The following TLK1 variants were observed in gnomAD, a reference collection of about 807,000 sequenced individuals.
TLK1 encodes the protein tousled like kinase 1, also known as serine/threonine-protein kinase tousled-like 1.
In TLK1, 24 loss-of-function variants were observed where a neutral mutation model predicts 105.3. The observed-to-expected ratio is 0.23, with a 90% CI of 0.17 to 0.32. The LOEUF (loss-of-function observed/expected upper bound fraction) is 0.32, where lower values mean the gene tolerates loss of function less well. TLK1 is among the 10% of genes least tolerant of loss of function. The pLI is 1.00. For synonymous variants in TLK1, 321 were observed against 310.4 expected (o/e 1.03, Z -0.36); for missense variants, 558 against 910.5 (o/e 0.61, Z 4.98).
rs757015214 is a variant in TLK1 at position 170,992,001 on chromosome 2, G to A, written c.*1779C>T. 2.6e-5 allele frequency: 4 copies of A among 152,036 alleles called. No homozygotes were observed. Among genetic ancestry groups the A allele is most frequent in the Non-Finnish European group, 5.9e-5 (4 of 67,986 alleles). The allele number at this position is 152,036 out of a possible 1,614,324, so 9.4% of individuals were successfully genotyped here. ...TCTAAGTGTTACTTACCCAGGAGTT[G>A]CCTTGATAATGGTTATTAGGTTTAA... On this transcript the variant is annotated 3_prime_UTR_variant, in exon 21 of 21. Coordinates refer to ENST00000431350, the MANE Select transcript of TLK1 (RefSeq NM_012290.5).
At chr2:171,082,284 G>C (rs1212294421) in intron 3 of TLK1, among the ~76,000 whole-genome samples, 1 of 151,952 alleles carries the variant, frequency 6.6e-6, no homozygotes, top group Non-Finnish European at 1.5e-5. Flanking sequence ...GTAAAAGGGG[G>C]AGGGATTAAG....
intron 3 of TLK1, among the ~76,000 whole-genome samples, chr2:171,065,007 G>GT (rs1396645967): frequency 6.7e-6 from 1 of 149,418 alleles, no homozygotes; most frequent in Non-Finnish European, 1.5e-5. Context: ...ATCTAATCAT[G>GT]TAGCCTGCTG....
At chr2:171,194,634 G>A (rs1693225798) in intron 1 of TLK1, among the ~76,000 whole-genome samples, 1 of 151,910 alleles carries the variant, frequency 6.6e-6, no homozygotes, top group Admixed American at 6.6e-5. Context: ...TGGCTAACAC[G>A]GTGAAACTCC....
At chr2:171,193,700 ATTTTTTTTTTTTTTTTTTT>A (rs35175399) in intron 1 of TLK1, among the ~76,000 whole-genome samples, 1 of 64,634 alleles carries the variant, frequency 1.5e-5, no homozygotes, top group Non-Finnish European at 2.8e-5. Flanking sequence ...AGCGCCTGGC[ATTTTTTTTTTTTTTTTTTT>A]TTTTTTTTTT....
intron 2 of TLK1, among the ~76,000 whole-genome samples, chr2:171,094,626 G>A (rs1471458042): frequency 6.6e-6 from 1 of 151,972 alleles, no homozygotes; most frequent in Non-Finnish European, 1.5e-5. Context: ...CTTTTTTTCC[G>A]AGACAGAGTT....
At chr2:171,093,821 T>A (rs1251022693) in intron 2 of TLK1, among the ~76,000 whole-genome samples, 1 of 152,152 alleles carries the variant, frequency 6.6e-6, no homozygotes, top group Non-Finnish European at 1.5e-5. Flanking sequence ...TGACAGAGAT[T>A]TAAGTTGATC....
intron 2 of TLK1, among the ~76,000 whole-genome samples, chr2:171,094,499 G>A (rs921152349): frequency 6.6e-6 from 1 of 152,136 alleles, no homozygotes; most frequent in African/African-American, 2.4e-5. Context: ...GAGATACTAC[G>A]AGAAAGCAAA....
intron 2 of TLK1, among the ~76,000 whole-genome samples, chr2:171,085,418 T>C (rs1688928186): frequency 6.6e-6 from 1 of 151,760 alleles, no homozygotes; most frequent in Admixed American, 6.6e-5. Context: ...AAAATGTCTC[T>C]GACATTTTCA....
At chr2:171,190,466 C>T (rs1693124776) in intron 1 of TLK1, among the ~76,000 whole-genome samples, 1 of 152,186 alleles carries the variant, frequency 6.6e-6, no homozygotes, top group Non-Finnish European at 1.5e-5. Flanking sequence ...ATCTGAAATG[C>T]TCTCAAATCA....
intron 2 of TLK1, among the ~76,000 whole-genome samples, chr2:171,111,366 G>A (rs1319838339): frequency 6.6e-6 from 1 of 152,072 alleles, no homozygotes; most frequent in Non-Finnish European, 1.5e-5. Flanking sequence ...TGAGTCAAGA[G>A]TTTGAGACCA....
At chr2:171,161,761 C>G (rs1219549353), upstream of TLK1, among the ~76,000 whole-genome samples, 1 of 152,138 alleles carries the variant, frequency 6.6e-6, no homozygotes, top group African/African-American at 2.4e-5. Context: ...ACAAAAATCC[C>G]AAAATAAATA....
chr2:171,122,856 T>A (rs1246863160), intron 1 of TLK1, among the ~76,000 whole-genome samples: 1 of 151,858 alleles, frequency 6.6e-6, no homozygotes, highest in African/African-American at 2.4e-5. Flanking sequence ...CTGGCCAACA[T>A]GGTGAAACCC....
intron 2 of TLK1, among the ~76,000 whole-genome samples, chr2:171,115,170 C>CTT (rs373796060): frequency 7.4e-6 from 1 of 135,770 alleles, no homozygotes; most frequent in African/African-American, 3.0e-5. Context: ...TTAAGAATTT[C>CTT]TTTCTTTTTT....
At chr2:171,056,984 A>C (rs1687533396) in intron 5 of TLK1, among the ~76,000 whole-genome samples, 1 of 152,044 alleles carries the variant, frequency 6.6e-6, no homozygotes, top group Admixed American at 6.6e-5. Flanking sequence ...AACATAATCA[A>C]CTATTTTAAA....
chr2:170,997,694 TG>T lies in TLK1; in HGVS notation c.2016+17del. The T allele has an allele frequency of 6.6e-7, 1 of 1,520,300 alleles. No homozygotes were observed. The highest frequency in any genetic ancestry group is 9.0e-7 in the Non-Finnish European group (1 of 1,109,262). The allele number at this position is 1,520,300 out of a possible 1,614,324, so 94.2% of individuals were successfully genotyped here. A position where few individuals can be genotyped will look rare whatever the true frequency, so the allele number is the denominator to read the frequency against. On this transcript the variant is annotated intron_variant, in intron 19 of 20. Coordinates refer to ENST00000431350, the MANE Select transcript of TLK1 (RefSeq NM_012290.5). Reference sequence around the variant, plus strand: ...AATTTATCTCTGTAGAGCTGAAGGCTGGTAGAATTCAATTTACCTTTCTACC... The same window carrying T: ...AATTTATCTCTGTAGAGCTGAAGGCTGTAGAATTCAATTTACCTTTCTACC...
At chr2:171,115,257 C>T (rs533471014) in intron 2 of TLK1, among the ~76,000 whole-genome samples, 6 of 148,774 alleles carry the variant, frequency 4.0e-5, no homozygotes, top group African/African-American at 1.2e-4. Context: ...CCGCAACCTC[C>T]GTCTCCCAGG....
chr2:171,011,904 AAAAT>A (rs1684933711), intron 13 of TLK1, among the ~76,000 whole-genome samples: 1 of 152,144 alleles, frequency 6.6e-6, no homozygotes, highest in Non-Finnish European at 1.5e-5. Flanking sequence ...GGACTTTTGT[AAAAT>A]AAATTAACCA....
At chr2:171,050,579 T>C (rs941435904) in intron 8 of TLK1, among the ~76,000 whole-genome samples, 16 of 152,218 alleles carry the variant, frequency 1.1e-4, no homozygotes, top group Non-Finnish European at 2.1e-4. Context: ...CTATCTCTTA[T>C]AATTAACAAA....
At chr2:171,137,314 T>C (rs566084497) in intron 1 of TLK1, among the ~76,000 whole-genome samples, 43 of 152,062 alleles carry the variant, frequency 2.8e-4, no homozygotes, top group Middle Eastern at 3.4e-3. Context: ...TCATGCTCTA[T>C]ATCTTATCCC....
Sources: gnomAD v4.1 joint callset for allele counts (sites outside exome capture counted in the v4.1 genomes callset) on GRCh38, gnomAD v4.1.1 for gene constraint, MANE v1.5 for transcripts, NCBI Gene and HGNC (gene_info 2026-07-23, HGNC 2026-07-21) for gene names.